Variants in CENPP observed in about 807,000 individuals in gnomAD.
CENPP encodes the protein centromere protein P.
In CENPP, 24 loss-of-function variants were observed where a neutral mutation model predicts 35.6. That is an observed-to-expected ratio of 0.67 (90% CI 0.49 to 0.95). The LOEUF is 0.95. Ranked by LOEUF, CENPP falls within the 40% of genes least tolerant of loss-of-function variation. CENPP has a pLI of 0.00. For synonymous variants in CENPP, 120 were observed against 125.5 expected (o/e 0.96, Z 0.29); for missense variants, 332 against 345.3 (o/e 0.96, Z 0.31).
At chr9:92,466,421 C>A in intron 5 of CENPP, 1 of 1,611,146 alleles carries the variant, frequency 6.2e-7, no homozygotes, top group Non-Finnish European at 8.5e-7. Context: ...ACTTTATTTT[C>A]ATGAATTCTG....
chr9:92,449,303 T>C (rs1205600785), intron 5 of CENPP, among the ~76,000 whole-genome samples: 2 of 150,926 alleles, frequency 1.3e-5, no homozygotes, highest in South Asian at 2.1e-4. Context: ...TAGCCGGGCG[T>C]GGTGGCGGGC....
At chr9:92,329,182 C>CTTTTTTTTTTTTT (rs11366828) in intron 1 of CENPP, among the ~76,000 whole-genome samples, 1 of 104,432 alleles carries the variant, frequency 9.6e-6, no homozygotes, top group Non-Finnish European at 1.8e-5. Context: ...ATATTTATGG[C>CTTTTTTTTTTTTT]TTTTTTTTTT....
At chr9:92,379,444 TTACA>T (rs1295993328) in intron 4 of CENPP, among the ~76,000 whole-genome samples, 1 of 152,244 alleles carries the variant, frequency 6.6e-6, no homozygotes, top group Non-Finnish European at 1.5e-5. Context: ...AAACTGGCAC[TTACA>T]TACTGTCTGT....
At chr9:92,375,230 T>C (rs970347101) in intron 4 of CENPP, among the ~76,000 whole-genome samples, 4 of 152,174 alleles carry the variant, frequency 2.6e-5, no homozygotes, top group Admixed American at 2.6e-4. Flanking sequence ...TTTATTTTTC[T>C]TCATTCTTTT....
At chr9:92,419,594 C>T (rs1490843797) in intron 5 of CENPP, among the ~76,000 whole-genome samples, 2 of 152,190 alleles carry the variant, frequency 1.3e-5, no homozygotes, top group Non-Finnish European at 2.9e-5. Context: ...CCACTGCATC[C>T]AGCCTCCTTG....
chr9:92,481,562 A>T (rs187311836), intron 5 of CENPP, among the ~76,000 whole-genome samples: 74 of 152,294 alleles, frequency 4.9e-4, no homozygotes, highest in Admixed American at 1.0e-3. Flanking sequence ...CATTGCTTAA[A>T]TTTTTTAATC....
chr9:92,505,294 C>T (rs1401482886), intron 5 of CENPP, among the ~76,000 whole-genome samples: 3 of 152,112 alleles, frequency 2.0e-5, no homozygotes, highest in African/African-American at 7.2e-5. Flanking sequence ...CCCATTTCCC[C>T]CAAGAGCTAT....
chr9:92,497,876 A>T (rs1242106876), intron 5 of CENPP, among the ~76,000 whole-genome samples: 10 of 44,158 alleles, frequency 2.3e-4, no homozygotes, highest in Admixed American at 6.5e-4. Flanking sequence ...TGGTTGTTTA[A>T]AAAAAAAAAA....
At chr9:92,353,286 G>A (rs1588053067) in intron 4 of CENPP, among the ~76,000 whole-genome samples, 1 of 152,194 alleles carries the variant, frequency 6.6e-6, no homozygotes, top group Admixed American at 6.5e-5. Flanking sequence ...TGGTACTGAT[G>A]ACTCCCTTCT....
chr9:92,531,722 T>A (rs1170390617), intron 5 of CENPP, among the ~76,000 whole-genome samples: 2 of 152,156 alleles, frequency 1.3e-5, no homozygotes, highest in African/African-American at 4.8e-5. Flanking sequence ...TAAACATTTA[T>A]CATTTTCCTT....
intron 5 of CENPP, chr9:92,389,983 A>G (rs1364030430): frequency 2.5e-6 from 4 of 1,611,082 alleles, no homozygotes; most frequent in African/African-American, 2.7e-5. Context: ...CTTCTAACAG[A>G]GAAAGTTTTG....
chr9:92,335,294 C>A (rs1840891187), intron 2 of CENPP, among the ~76,000 whole-genome samples: 1 of 151,948 alleles, frequency 6.6e-6, no homozygotes, highest in Non-Finnish European at 1.5e-5. Flanking sequence ...AAAAATAAAG[C>A]CTGGACATAA....
intron 5 of CENPP, among the ~76,000 whole-genome samples, chr9:92,523,657 C>T (rs533625191): frequency 3.3e-5 from 5 of 152,168 alleles, no homozygotes; most frequent in Admixed American, 6.5e-5. Flanking sequence ...ATAGCAGTAG[C>T]GGTTTAAATG....
At chr9:92,452,687 C>G (rs1418808517) in intron 5 of CENPP, among the ~76,000 whole-genome samples, 1 of 152,092 alleles carries the variant, frequency 6.6e-6, no homozygotes, top group Non-Finnish European at 1.5e-5. Context: ...CCAGTTCCTC[C>G]TTGTAGCTCT....
At chr9:92,446,054 T>C (rs1844544157) in intron 5 of CENPP, among the ~76,000 whole-genome samples, 1 of 152,050 alleles carries the variant, frequency 6.6e-6, no homozygotes, top group African/African-American at 2.4e-5. Flanking sequence ...AGGTAAAGAA[T>C]AAAAGTTGCT....
chr9:92,380,912 A>G (rs1261967514), intron 5 of CENPP, among the ~76,000 whole-genome samples: 1 of 152,210 alleles, frequency 6.6e-6, no homozygotes, highest in Non-Finnish European at 1.5e-5. Flanking sequence ...CTTTCCAGTC[A>G]GGTATGAAGT....
chr9:92,457,170 A>G, intron 5 of CENPP: 2 of 1,434,008 alleles, frequency 1.4e-6, no homozygotes, highest in Non-Finnish European at 9.1e-7. Context: ...TGGACTTACC[A>G]CTTGAGAATA....
At chr9:92,479,270 T>A (rs1845827083) in intron 5 of CENPP, among the ~76,000 whole-genome samples, 3 of 152,168 alleles carry the variant, frequency 2.0e-5, no homozygotes, top group African/African-American at 7.2e-5. Context: ...CCTTCCTTTG[T>A]CTCTCCTCTT....
intron 5 of CENPP, among the ~76,000 whole-genome samples, chr9:92,513,905 A>G (rs1197338208): frequency 6.6e-6 from 1 of 152,240 alleles, no homozygotes; most frequent in Non-Finnish European, 1.5e-5. Flanking sequence ...TTTACTACAT[A>G]TAAATTATAC....
Sources: allele counts gnomAD v4.1 joint callset (sites outside exome capture counted in the v4.1 genomes callset), GRCh38; gene constraint gnomAD v4.1.1; transcripts MANE v1.5; gene names NCBI Gene and HGNC (gene_info 2026-07-23, HGNC 2026-07-21).